The following ZNF831 variants were observed in gnomAD, a reference collection of about 807,000 sequenced individuals.
ZNF831 encodes the protein chromosome 20 open reading frame 174.
In ZNF831, 59 loss-of-function variants were observed where a neutral mutation model predicts 95.8. That is an observed-to-expected ratio of 0.62 (90% confidence interval 0.50 to 0.77). ZNF831 has a LOEUF of 0.77. ZNF831 is among the 30% of genes least tolerant of loss of function. The pLI is 0.00. For synonymous variants in ZNF831, 961 were observed against 925.5 expected (o/e 1.04, Z -0.70); for missense variants, 2,205 against 2,164.0 (o/e 1.02, Z -0.38).
upstream of ZNF831, among the ~76,000 whole-genome samples, chr20:59,159,183 C>G (rs935059231): frequency 2.6e-5 from 4 of 152,114 alleles, no homozygotes; most frequent in Non-Finnish European, 5.9e-5. Flanking sequence ...CTTTACTTCA[C>G]AGACCCACCA....
chr20:59,149,545 G>T (rs781645037), intron 2 of ZNF831, among the ~76,000 whole-genome samples: 1 of 152,136 alleles, frequency 6.6e-6, no homozygotes, highest in Non-Finnish European at 1.5e-5. Context: ...TATATCTATT[G>T]ATCTTACTAT....
chr20:59,235,449 T>G (rs531170216), intron 4 of ZNF831, among the ~76,000 whole-genome samples: 1 of 152,296 alleles, frequency 6.6e-6, no homozygotes, highest in African/African-American at 2.4e-5. Context: ...ACCCCACTTA[T>G]GTTTCCTGTG....
chr20:59,184,216 C>T (rs1982836418), intron 1 of ZNF831, among the ~76,000 whole-genome samples: 1 of 152,130 alleles, frequency 6.6e-6, no homozygotes, highest in Non-Finnish European at 1.5e-5. Context: ...TATTTGCTAG[C>T]TTATTTCTTT....
chr20:59,128,336 A>T (rs975245031), intron 1 of ZNF831, among the ~76,000 whole-genome samples: 3 of 152,158 alleles, frequency 2.0e-5, no homozygotes, highest in Non-Finnish European at 2.9e-5. Context: ...AAGGGTATGG[A>T]ACACTTCCTC....
intron 4 of ZNF831, among the ~76,000 whole-genome samples, chr20:59,244,773 A>G (rs1334452841): frequency 6.6e-6 from 1 of 152,244 alleles, no homozygotes. Context: ...TGTTTTGTAT[A>G]TAACTCTAGG....
intron 3 of ZNF831, among the ~76,000 whole-genome samples, chr20:59,204,470 G>T (rs1984743496): frequency 6.6e-6 from 1 of 152,156 alleles, no homozygotes; most frequent in Non-Finnish European, 1.5e-5. Flanking sequence ...AGCAGTCCCA[G>T]GTCCTGCTTA....
chr20:59,151,212 G>A (rs533704576), intron 2 of ZNF831, among the ~76,000 whole-genome samples: 314 of 152,304 alleles, frequency 2.1e-3, no homozygotes, highest in Non-Finnish European at 3.4e-3. Context: ...GTGTGTTGAT[G>A]TGTGCATGAC....
At chr20:59,189,534 C>G (rs917719207) in intron 1 of ZNF831, among the ~76,000 whole-genome samples, 3 of 152,054 alleles carry the variant, frequency 2.0e-5, no homozygotes, top group Non-Finnish European at 2.9e-5. Context: ...TTTTTTGAGA[C>G]AGAGTTTCAC....
At chr20:59,226,295 T>C (rs1986427227) in intron 4 of ZNF831, among the ~76,000 whole-genome samples, 1 of 152,166 alleles carries the variant, frequency 6.6e-6, no homozygotes, top group Non-Finnish European at 1.5e-5. Flanking sequence ...AGTGAGTTGC[T>C]TGGCCAGCAA....
intron 3 of ZNF831, among the ~76,000 whole-genome samples, chr20:59,204,044 T>C (rs1328062002): frequency 1.3e-5 from 2 of 152,128 alleles, no homozygotes; most frequent in African/African-American, 2.4e-5. Flanking sequence ...TTCCAACAAA[T>C]GGAACAATGA....
At chr20:59,186,633 A>G (rs1247279099) in intron 1 of ZNF831, among the ~76,000 whole-genome samples, 4 of 152,182 alleles carry the variant, frequency 2.6e-5, no homozygotes, top group Non-Finnish European at 5.9e-5. Context: ...GAGGTTCCTG[A>G]AATTCTCAGC....
intron 4 of ZNF831, among the ~76,000 whole-genome samples, chr20:59,252,061 C>A (rs1249254361): frequency 6.6e-6 from 1 of 152,112 alleles, no homozygotes; most frequent in African/African-American, 2.4e-5. Context: ...CCTCCTCTCT[C>A]CCCATGAGAA....
intron 3 of ZNF831, among the ~76,000 whole-genome samples, chr20:59,200,152 A>T (rs1408183400): frequency 6.6e-6 from 1 of 152,070 alleles, no homozygotes; most frequent in Non-Finnish European, 1.5e-5. Context: ...GGTGTTCCAT[A>T]GTTTTACTTT....
At chr20:59,164,857 G>T (rs185219623) in intron 1 of ZNF831, among the ~76,000 whole-genome samples, 1 of 152,060 alleles carries the variant, frequency 6.6e-6, no homozygotes, top group Admixed American at 6.5e-5. Flanking sequence ...CTCCTTTCCC[G>T]TAGCAAATCT....
intron 4 of ZNF831, among the ~76,000 whole-genome samples, chr20:59,215,879 GT>G (rs1985644704): frequency 1.3e-5 from 2 of 152,160 alleles, no homozygotes; most frequent in South Asian, 4.1e-4. Context: ...ACCCTACAAT[GT>G]TTTTGGTAAA....
At chr20:59,240,647 A>C (rs1208767148) in intron 4 of ZNF831, among the ~76,000 whole-genome samples, 1 of 151,666 alleles carries the variant, frequency 6.6e-6, no homozygotes, top group Non-Finnish European at 1.5e-5. Flanking sequence ...TAAAAATACA[A>C]AAAAATTAGC....
chr20:59,241,890 C>G (rs1987359016), intron 4 of ZNF831, among the ~76,000 whole-genome samples: 1 of 152,220 alleles, frequency 6.6e-6, no homozygotes, highest in Non-Finnish European at 1.5e-5. Flanking sequence ...AAGAAAAGTA[C>G]AATCGCCTAA....
At chr20:59,202,816 T>C (rs553646187) in intron 3 of ZNF831, among the ~76,000 whole-genome samples, 1 of 152,332 alleles carries the variant, frequency 6.6e-6, no homozygotes, top group East Asian at 1.9e-4. Flanking sequence ...GTGAAAGCAA[T>C]CTCACTTTTC....
intron 1 of ZNF831, among the ~76,000 whole-genome samples, chr20:59,141,450 T>G (rs1039087600): frequency 1.2e-4 from 19 of 152,254 alleles, no homozygotes; most frequent in African/African-American, 4.3e-4. Flanking sequence ...GTCCATTTGC[T>G]CCAGCACCGT....
Sources: gnomAD v4.1 joint callset for allele counts (sites outside exome capture counted in the v4.1 genomes callset) on GRCh38, gnomAD v4.1.1 for gene constraint, MANE v1.5 for transcripts, NCBI Gene and HGNC (gene_info 2026-07-23, HGNC 2026-07-21) for gene names.